The following AGAP1 variants were observed in gnomAD, a reference collection of about 807,000 sequenced individuals.
The protein encoded by AGAP1 is arf-GAP with GTPase, ANK repeat and PH domain-containing protein 1.
AGAP1 carries 29 observed loss-of-function variants against 105.3 expected under a neutral mutation model. That is an observed-to-expected ratio of 0.28 (90% confidence interval 0.21 to 0.38). The LOEUF (loss-of-function observed/expected upper bound fraction) is 0.38. AGAP1 is among the 10% of genes least tolerant of loss of function. AGAP1 has a pLI of 1.00. For synonymous variants in AGAP1, 509 were observed against 485.9 expected (o/e 1.05, Z -0.63); for missense variants, 998 against 1,165.1 (o/e 0.86, Z 2.09).
Position 235,615,907 on chromosome 2 carries a change from A to G in AGAP1, c.164-93272A>G, listed in dbSNP as rs764785187. The stretch of plus-strand genomic sequence containing the variant: ...ACCAACAAAAATATGTATTACATAT[A>G]GAGCATTGTCTTCTATATGTAAAGA... On this transcript the variant is annotated intron_variant, in intron 1 of 17. Coordinates refer to ENST00000304032, the MANE Select transcript of AGAP1 (RefSeq NM_001037131.3). This position sits in a 1 kb window ranked among gnomAD's most constrained non-coding sequence, Gnocchi z 5.0. Among the ~76,000 whole-genome samples, 2 of 152,238 alleles carry G rather than the reference A, an allele frequency of 1.3e-5. No homozygotes were observed. The highest frequency in any genetic ancestry group is 6.5e-5 in the Admixed American group (1 of 15,278).
intron 1 of AGAP1, chr2:235,670,128 C>T (rs1948300215): frequency 7.0e-6 from 4 of 575,230 alleles, no homozygotes; most frequent in East Asian, 3.8e-5. Context: ...AGTGGCGAGC[C>T]CGCGTCGCCA....
chr2:235,923,562 C>A lies in AGAP1; in HGVS notation c.1325-7203C>A, dbSNP rs144107641. On this transcript the variant is annotated intron_variant, in intron 11 of 17. Coordinates refer to ENST00000304032, the MANE Select transcript of AGAP1 (RefSeq NM_001037131.3). ...AGGGTGACCACCATCTGATTTCTCA[C>A]TCCGTAGATGGGTTTCGCCTGTCCT... Among the ~76,000 whole-genome samples, 326 of 120,966 alleles carry A rather than the reference C, an allele frequency of 2.7e-3. 1 individual carries two copies. The highest frequency in any genetic ancestry group is 9.1e-3 in the African/African-American group (286 of 31,312). 79.4% of individuals were successfully genotyped at this position (120,966 alleles called of 152,430 possible).
rs752591857 is a variant in AGAP1 at position 235,631,472 on chromosome 2, G to A, written c.164-77707G>A. On this transcript the variant is annotated intron_variant, in intron 1 of 17. Coordinates refer to ENST00000304032, the MANE Select transcript of AGAP1 (RefSeq NM_001037131.3). The surrounding 1 kb of genome is among the most constrained non-coding windows in gnomAD (Gnocchi z 5.4). ...GGTAGAGAGGGTTTCTGGGTCCCAG[G>A]ACCGGACTGCGTGGTCCTGGTTATA... Among the ~76,000 whole-genome samples, 4 of 152,186 alleles carry A rather than the reference G, an allele frequency of 2.6e-5. No homozygotes were observed. Among genetic ancestry groups the A allele is most frequent in the African/African-American group, 4.8e-5 (2 of 41,452 alleles).
chr2:235,861,555 G>A (rs893664873), intron 9 of AGAP1, among the ~76,000 whole-genome samples: 3 of 152,214 alleles, frequency 2.0e-5, no homozygotes, highest in East Asian at 1.9e-4. Context: ...GCTGTCCCAC[G>A]TTAACTGTCA....
At chr2:236,093,046 C>T (rs551964716) in intron 16 of AGAP1, among the ~76,000 whole-genome samples, 21 of 152,362 alleles carry the variant, frequency 1.4e-4, no homozygotes, top group African/African-American at 4.3e-4. Context: ...CACGACGATA[C>T]TCCAGAAAGG....
rs2055629807 is a variant in AGAP1, at chr2:235,992,838, A to G, written c.1645+24215A>G. On this transcript the variant is annotated intron_variant, in intron 13 of 17. Coordinates refer to ENST00000304032, the MANE Select transcript of AGAP1 (RefSeq NM_001037131.3). This position sits in a 1 kb window ranked among gnomAD's most constrained non-coding sequence, Gnocchi z 4.8. Reference sequence around the variant, plus strand: ...AGCCGTTTCCACGCACAGGCTGCACATTGTTTCATGGCCTTTGCAGTTGAG... The same window carrying G: ...AGCCGTTTCCACGCACAGGCTGCACGTTGTTTCATGGCCTTTGCAGTTGAG... Among the ~76,000 whole-genome samples, 3 of 152,072 alleles carry G rather than the reference A, an allele frequency of 2.0e-5. No individual in the cohort carries two copies. The highest frequency in any genetic ancestry group is 4.8e-5 in the African/African-American group (2 of 41,404).
At chr2:235,530,222 T>G (rs1275613473) in intron 1 of AGAP1, among the ~76,000 whole-genome samples, 1 of 152,188 alleles carries the variant, frequency 6.6e-6, no homozygotes, top group East Asian at 1.9e-4. Context: ...CTGAGCTCAT[T>G]CGCAGTCTTG....
At chr2:235,980,230 T>G (rs1017766807) in intron 13 of AGAP1, among the ~76,000 whole-genome samples, 4 of 152,240 alleles carry the variant, frequency 2.6e-5, no homozygotes, top group African/African-American at 9.6e-5. Context: ...CCTGTGCTCC[T>G]CGAATAGTCG....
At chr2:235,652,903 T>C (rs1440108099) in intron 1 of AGAP1, among the ~76,000 whole-genome samples, 1 of 151,694 alleles carries the variant, frequency 6.6e-6, no homozygotes, top group Non-Finnish European at 1.5e-5. Flanking sequence ...GGGCAGGGTG[T>C]AGAGGTTGCA....
intron 1 of AGAP1, among the ~76,000 whole-genome samples, chr2:235,649,919 A>G (rs1947525605): frequency 6.6e-6 from 1 of 152,216 alleles, no homozygotes; most frequent in African/African-American, 2.4e-5. Flanking sequence ...ATACCAGAGT[A>G]GTGGCTTTCT....
chr2:235,919,515 T>C lies in AGAP1; in HGVS notation c.1324+10609T>C, dbSNP rs144339722. Among the ~76,000 whole-genome samples the C allele has an allele frequency of 6.6e-6, 1 of 152,270 alleles. No individual in the cohort carries two copies. The highest frequency in any genetic ancestry group is 2.4e-5 in the African/African-American group (1 of 41,556). ...GTACTCCTTGGTGCTTTGTCTTCCC[T>C]GTGTCATTGCTGGATTCAGTTGTGA... is the stretch of plus-strand genomic sequence containing the variant. On this transcript the variant is annotated intron_variant, in intron 11 of 17. Coordinates refer to ENST00000304032, the MANE Select transcript of AGAP1 (RefSeq NM_001037131.3). This position sits in a 1 kb window ranked among gnomAD's most constrained non-coding sequence, Gnocchi z 4.1.
rs184691786 is a variant in AGAP1 at position 235,892,994 on chromosome 2, G to A, written c.1155+9545G>A. On this transcript the variant is annotated intron_variant, in intron 10 of 17. Coordinates refer to ENST00000304032, the MANE Select transcript of AGAP1 (RefSeq NM_001037131.3). ...AGTCTGGCACGCTGCTGCAGAAGGC[G>A]TGATTCATCTTAAGATCAAAAATTA... Among the ~76,000 whole-genome samples, 95 of 152,300 alleles carry A rather than the reference G, an allele frequency of 6.2e-4. 1 individual carries two copies. The South Asian group carries it at 0.015, about 23-fold the overall frequency.
intron 1 of AGAP1, chr2:235,670,269 C>T (rs1448629839): frequency 6.6e-6 from 3 of 452,544 alleles, no homozygotes; most frequent in Non-Finnish European, 3.8e-6. Flanking sequence ...GTTCGGCGGC[C>T]CCGGCCCGCG....
Position 235,845,407 on chromosome 2 carries a change from T to C in AGAP1, c.1051-37938T>C, listed in dbSNP as rs571900659. Among the ~76,000 whole-genome samples the C allele has an allele frequency of 6.6e-6, 1 of 152,154 alleles. No homozygotes were observed. Among genetic ancestry groups the C allele is most frequent in the Non-Finnish European group, 1.5e-5 (1 of 67,996 alleles). On this transcript the variant is annotated intron_variant, in intron 9 of 17. Transcript: ENST00000304032. The surrounding 1 kb of genome is among the most constrained non-coding windows in gnomAD (Gnocchi z 4.8). Reference sequence around the variant, plus strand: ...TTGCAGACATGGAAGCAGAAAATCATATGATACCCTGAGTTCCTGAGTCAG... The same window carrying C: ...TTGCAGACATGGAAGCAGAAAATCACATGATACCCTGAGTTCCTGAGTCAG...
intron 1 of AGAP1, among the ~76,000 whole-genome samples, chr2:235,687,579 A>T (rs1949518158): frequency 6.6e-6 from 1 of 152,218 alleles, no homozygotes; most frequent in African/African-American, 2.4e-5. Context: ...TAATTTGATA[A>T]ACATGCAGAT....
chr2:235,494,076 G>C lies in AGAP1; in HGVS notation c.-611G>C, dbSNP rs1941199215. The C allele has an allele frequency of 6.8e-6, 1 of 145,986 alleles. No individual in the cohort carries two copies. The highest frequency in any genetic ancestry group is 1.8e-4 in the South Asian group (1 of 5,582). 9.0% of individuals were successfully genotyped at this position (145,986 alleles called of 1,614,324 possible). On this transcript the variant is annotated 5_prime_UTR_variant, in exon 1 of 18. Transcript: ENST00000304032. ...GCGTGCCAGGGAGGGGGCCGGCCGGGCAGGCGGCGGGCGGCGCTCGGAGCG... is the reference window on the plus strand; with the variant it reads ...GCGTGCCAGGGAGGGGGCCGGCCGGCCAGGCGGCGGGCGGCGCTCGGAGCG...
In AGAP1 at chr2:235,867,574, T is replaced by TGTGTGTGCGCGC. The variant is rs1380487646; in HGVS notation, c.1051-15770_1051-15769insTGTGTGCGCGCG. Among the ~76,000 whole-genome samples the TGTGTGTGCGCGC allele has an allele frequency of 6.8e-6, 1 of 147,582 alleles. No individual in the cohort carries two copies. The highest frequency in any genetic ancestry group is 2.0e-4 in the East Asian group (1 of 4,936). On this transcript the variant is annotated intron_variant, in intron 9 of 17. Coordinates refer to ENST00000304032, the MANE Select transcript of AGAP1 (RefSeq NM_001037131.3). The surrounding 1 kb of genome is among the most constrained non-coding windows in gnomAD (Gnocchi z 5.4). ...GTGTGTGTGTGTGTGTGTGTGTGTG[T>TGTGTGTGCGCGC]GCAAGTGAGGGAGGGTGACCCCCAC...
rs141568831 is a variant in AGAP1 at position 235,749,296 on chromosome 2, C to A, written c.539-1058C>A. On this transcript the variant is annotated intron_variant, in intron 5 of 17. Coordinates refer to ENST00000304032, the MANE Select transcript of AGAP1 (RefSeq NM_001037131.3). ...CTGTTCACATTCCAGCTCCTCATTTCTCTGTTCCACGTGCCACTGTAACTC... is the reference window on the plus strand; with the variant it reads ...CTGTTCACATTCCAGCTCCTCATTTATCTGTTCCACGTGCCACTGTAACTC... Among the ~76,000 whole-genome samples the A allele has an allele frequency of 2.0e-3, 301 of 151,886 alleles. 2 individuals carry two copies. In the South Asian group the frequency reaches 0.03, roughly 15 times the overall value.
chr2:235,968,672 C>A (rs369856684), intron 13 of AGAP1, 49 bp downstream of exon 13: 6 of 1,571,482 alleles, frequency 3.8e-6, no homozygotes, highest in Non-Finnish European at 3.4e-6. Flanking sequence ...GCGGAAAATT[C>A]TCTGTTATTT....
Sources: gnomAD v4.1 joint callset for allele counts (sites outside exome capture counted in the v4.1 genomes callset) on GRCh38, gnomAD v4.1.1 for gene constraint, Gnocchi (gnomAD v3.1) non-coding constraint, MANE v1.5 for transcripts, NCBI Gene and HGNC (gene_info 2026-07-23, HGNC 2026-07-21) for gene names.